MOB3B: variants seen among roughly 807,000 people sequenced by gnomAD.
The protein encoded by MOB3B is MOB kinase activator-like 2B.
MOB3B carries 7 observed loss-of-function variants against 18.7 expected under a neutral mutation model. The observed-to-expected ratio is 0.37, with a 90% CI of 0.21 to 0.70. The LOEUF (loss-of-function observed/expected upper bound fraction) is 0.70, where lower values mean the gene tolerates loss of function less well. Ranked by LOEUF, MOB3B falls within the 30% of genes least tolerant of loss-of-function variation. MOB3B has a pLI of 0.52. For synonymous variants in MOB3B, 111 were observed against 99.9 expected, an observed-to-expected ratio of 1.11 and a Z score of -0.66; for missense variants, 253 against 281.3, an observed-to-expected ratio of 0.90 and a Z score of 0.72.
chr9:27,498,135 C>T (rs1316137429), intron 1 of MOB3B, among the ~76,000 whole-genome samples: 1 of 152,182 alleles, frequency 6.6e-6, no homozygotes, highest in Admixed American at 6.5e-5. Flanking sequence ...TCCCAGCCCA[C>T]AGAAACGCCG....
At chr9:27,503,343 G>C (rs10116306) in intron 1 of MOB3B, among the ~76,000 whole-genome samples, 1,853 of 152,294 alleles carry the variant, frequency 0.012, 39 homozygotes, top group African/African-American at 0.042. Context: ...CCAATTCAGA[G>C]CCCAAATGCC....
At position 27,342,130 on chromosome 9, in the gene MOB3B, G is replaced by T. The variant is rs142971744; in HGVS notation, c.622-11514C>A. On this transcript the variant is annotated intron_variant, in intron 3 of 3. Coordinates refer to ENST00000262244, the MANE Select transcript of MOB3B (RefSeq NM_024761.5). Reference sequence around the variant, plus strand: ...CTTCCATGGCAGAGCTGAGCGACTGGGACAGAGCCCGGCATTTAGCATGGG... The same window carrying T: ...CTTCCATGGCAGAGCTGAGCGACTGTGACAGAGCCCGGCATTTAGCATGGG... 1.4e-4 allele frequency among the ~76,000 whole-genome samples: 22 copies of T among 152,244 alleles called. No homozygotes were observed. The East Asian group carries it at 3.3e-3, about 23-fold the overall frequency.
rs66757462 is a variant in MOB3B at position 27,489,741 on chromosome 9, C to CTTTTTTTTTTT, written c.-198-34004_-198-33994dup. On this transcript the variant is annotated intron_variant, in intron 1 of 3. Coordinates refer to ENST00000262244, the MANE Select transcript of MOB3B (RefSeq NM_024761.5). The stretch of plus-strand genomic sequence containing the variant: ...ACATCACACCAGATAAGGAAATAAT[C>CTTTTTTTTTTT]TTTTTTTTTTTTTGGTCCAACAGGG... Among the ~76,000 whole-genome samples, 34 of 73,146 alleles carry CTTTTTTTTTTT rather than the reference C, an allele frequency of 4.6e-4. 8 individuals are homozygous for CTTTTTTTTTTT. The East Asian group carries it at 0.01, about 22-fold the overall frequency. The allele number at this position is 73,146 out of a possible 152,430, so 48.0% of individuals were successfully genotyped here.
rs930259392 is a variant in MOB3B, at chr9:27,390,320, G to A, written c.419-31084C>T. Among the ~76,000 whole-genome samples the A allele has an allele frequency of 6.6e-5, 10 of 151,898 alleles. 1 individual carries two copies. The highest frequency in any genetic ancestry group is 2.4e-4 in the African/African-American group (10 of 41,350). On this transcript the variant is annotated intron_variant, in intron 2 of 3. Transcript: ENST00000262244. Reference sequence around the variant, plus strand: ...GGCTGGAGTGCAGTGGGCGATCTCCGCTCACTGCCTCCTCTGGGGTTACAG... The same window carrying A: ...GGCTGGAGTGCAGTGGGCGATCTCCACTCACTGCCTCCTCTGGGGTTACAG...
intron 3 of MOB3B, among the ~76,000 whole-genome samples, chr9:27,355,636 T>C (rs1329753350): frequency 6.6e-6 from 1 of 151,100 alleles, no homozygotes; most frequent in African/African-American, 2.4e-5. Flanking sequence ...CTCGGCTCAC[T>C]GCAAGCTCTG....
chr9:27,409,974 G>A (rs1267321723), intron 2 of MOB3B, among the ~76,000 whole-genome samples: 1 of 152,136 alleles, frequency 6.6e-6, no homozygotes, highest in Non-Finnish European at 1.5e-5. Context: ...GTTTCAGTTT[G>A]CAGTGATGAA....
intron 1 of MOB3B, among the ~76,000 whole-genome samples, chr9:27,482,008 G>C (rs542642386): frequency 6.6e-6 from 1 of 152,082 alleles, no homozygotes; most frequent in East Asian, 1.9e-4. Flanking sequence ...TGATCCAGTG[G>C]AGGGAAGAAA....
intron 1 of MOB3B, among the ~76,000 whole-genome samples, chr9:27,522,420 CAT>C (rs66472709): frequency 0.32 from 45,148 of 140,872 alleles, 6,936 homozygotes; most frequent in East Asian, 0.41. Flanking sequence ...GACATTTTTT[CAT>C]ATATATATAT....
intron 1 of MOB3B, among the ~76,000 whole-genome samples, chr9:27,516,439 T>A (rs937771037): frequency 6.6e-6 from 1 of 152,160 alleles, no homozygotes; most frequent in African/African-American, 2.4e-5. Flanking sequence ...TTGACCATAC[T>A]CTTCAATGAA....
At chr9:27,388,043 T>C (rs533337096) in intron 2 of MOB3B, among the ~76,000 whole-genome samples, 58 of 152,164 alleles carry the variant, frequency 3.8e-4, no homozygotes, top group Non-Finnish European at 2.4e-4. Context: ...CCAGGGATAC[T>C]GCTAAACATT....
intron 2 of MOB3B, among the ~76,000 whole-genome samples, chr9:27,381,910 C>T (rs920780277): frequency 1.3e-5 from 2 of 152,072 alleles, no homozygotes; most frequent in African/African-American, 2.4e-5. Context: ...CATCTCAAAG[C>T]GTTAGGATTA....
intron 1 of MOB3B, chr9:27,526,471 T>C (rs960227327): frequency 6.6e-6 from 1 of 152,244 alleles, no homozygotes; most frequent in African/African-American, 2.4e-5. Context: ...CTTTCTCTAA[T>C]AAAGTCTTTG....
intron 1 of MOB3B, among the ~76,000 whole-genome samples, chr9:27,458,852 C>T (rs184647968): frequency 1.5e-4 from 23 of 152,196 alleles, no homozygotes; most frequent in Non-Finnish European, 2.2e-4. Context: ...GTGGTATTAT[C>T]TCCATTTTAC....
chr9:27,523,951 G>GGTGA (rs909542533), intron 1 of MOB3B, among the ~76,000 whole-genome samples: 10 of 151,966 alleles, frequency 6.6e-5, no homozygotes, highest in South Asian at 6.3e-4. Context: ...AATAGATTTG[G>GGTGA]GTGAGTGAGT....
At chr9:27,413,873 T>A (rs1318360380) in intron 2 of MOB3B, among the ~76,000 whole-genome samples, 2 of 152,196 alleles carry the variant, frequency 1.3e-5, no homozygotes, top group East Asian at 3.8e-4. Context: ...GGACCTCTAA[T>A]AAAACCAAGC....
rs1820745745 is a variant in MOB3B at position 27,328,761 on chromosome 9, T to G, written c.*1826A>C. ...TCTGGTAACTGTGTATTGCAGAGGC[T>G]GGGACTTAGGGGCTCTTGTTTCTGT... On this transcript the variant is annotated 3_prime_UTR_variant, in exon 4 of 4. Coordinates refer to ENST00000262244, the MANE Select transcript of MOB3B (RefSeq NM_024761.5). The G allele has an allele frequency of 6.6e-6, 1 of 152,594 alleles. No homozygotes were observed. Among genetic ancestry groups the G allele is most frequent in the South Asian group, 2.1e-4 (1 of 4,824 alleles). The allele number at this position is 152,594 out of a possible 1,614,324, so 9.5% of individuals were successfully genotyped here.
At chr9:27,375,340 C>T (rs983914356) in intron 2 of MOB3B, among the ~76,000 whole-genome samples, 4 of 152,110 alleles carry the variant, frequency 2.6e-5, no homozygotes, top group Admixed American at 2.0e-4. Flanking sequence ...GAACGGAATC[C>T]CAGGGAGCAT....
intron 2 of MOB3B, among the ~76,000 whole-genome samples, chr9:27,440,761 C>T (rs923242379): frequency 2.6e-5 from 4 of 151,658 alleles, no homozygotes; most frequent in African/African-American, 9.7e-5. Context: ...TAGCATCTTT[C>T]CTTTGGTGCT....
chr9:27,525,503 T>C lies in MOB3B; in HGVS notation c.-199+4052A>G, dbSNP rs116810570. Among the ~76,000 whole-genome samples, 1,162 of 152,262 alleles carry C rather than the reference T, an allele frequency of 7.6e-3. 15 individuals carry two copies. Among genetic ancestry groups the C allele is most frequent in the African/African-American group, 0.026 (1,078 of 41,542 alleles). ...CCATTTCCTTCTCAGCTTGGTTTGT[T>C]TGAATTGATGCTTGTGGAATAGTAT... is the stretch of plus-strand genomic sequence containing the variant. On this transcript the variant is annotated intron_variant, in intron 1 of 3. Transcript: ENST00000262244.
Sources: gnomAD v4.1 joint callset for allele counts (sites outside exome capture counted in the v4.1 genomes callset) on GRCh38, gnomAD v4.1.1 for gene constraint, MANE v1.5 for transcripts, NCBI Gene and HGNC (gene_info 2026-07-23, HGNC 2026-07-21) for gene names.